Variants in DPP10 observed in about 807,000 individuals in gnomAD.
DPP10 encodes the protein dipeptidyl peptidase like 10.
Under a neutral mutation model 120.9 loss-of-function variants are expected in DPP10, and 33 were observed. That is an observed-to-expected ratio of 0.27 (90% CI 0.21 to 0.37). The LOEUF is 0.37. DPP10 is among the 10% of genes least tolerant of loss of function. The pLI, the probability that DPP10 is intolerant of heterozygous loss-of-function variation, is 1.00. For synonymous variants in DPP10, 337 were observed against 326.1 expected, an observed-to-expected ratio of 1.03 and a Z score of -0.36; for missense variants, 816 against 942.8, an observed-to-expected ratio of 0.87 and a Z score of 1.76.
intron 1 of DPP10, among the ~76,000 whole-genome samples, chr2:114,942,402 C>T (rs3060051): frequency 0.42 from 54,187 of 127,858 alleles, 12,426 homozygotes; most frequent in South Asian, 0.59. Context: ...CACACACACA[C>T]ATATATATAT....
intron 1 of DPP10, among the ~76,000 whole-genome samples, chr2:114,554,374 C>A (rs1021373361): frequency 1.3e-5 from 2 of 152,230 alleles, no homozygotes; most frequent in Admixed American, 1.3e-4. Context: ...GGCCTCATCA[C>A]TGGGGCTGTG....
chr2:115,547,182 A>G (rs916145361), intron 5 of DPP10, among the ~76,000 whole-genome samples: 14 of 152,178 alleles, frequency 9.2e-5, no homozygotes, highest in Non-Finnish European at 1.2e-4. Context: ...ATAACTTAAA[A>G]TTCCCAGCGA....
At chr2:115,317,185 T>TGCTCCTCATATCCCACCTCCCTC (rs2061837432) in intron 2 of DPP10, among the ~76,000 whole-genome samples, 1 of 152,040 alleles carries the variant, frequency 6.6e-6, no homozygotes. Flanking sequence ...CCACCTCAGT[T>TGCTCCTCATATCCCACCTCCCTC]GCTCCTCATA....
chr2:115,460,399 A>G lies in DPP10; in HGVS notation c.272-39111A>G, dbSNP rs191977346. Among the ~76,000 whole-genome samples, 22 of 152,302 alleles carry G rather than the reference A, an allele frequency of 1.4e-4. No individual in the cohort carries two copies. The East Asian group carries it at 4.2e-3, about 29-fold the overall frequency. On this transcript the variant is annotated intron_variant, in intron 3 of 25. Transcript: ENST00000410059. ...CTCAAGTAATATCTCCCAAGGTGAC[A>G]TTCCCATGGGTAAAAAAGCAGTCTT...
intron 10 of DPP10, among the ~76,000 whole-genome samples, chr2:115,749,221 G>T (rs1294319750): frequency 6.6e-6 from 1 of 151,934 alleles, no homozygotes; most frequent in African/African-American, 2.4e-5. Context: ...TACTTTCCAG[G>T]GAAATTTTAT....
chr2:115,089,155 G>A (rs887867820), intron 1 of DPP10, among the ~76,000 whole-genome samples: 2 of 151,930 alleles, frequency 1.3e-5, no homozygotes, highest in East Asian at 1.9e-4. Context: ...CCATTTCTCA[G>A]TTCATTCTCT....
At chr2:115,153,223 A>AT (rs1212170284) in intron 1 of DPP10, among the ~76,000 whole-genome samples, 6 of 152,174 alleles carry the variant, frequency 3.9e-5, no homozygotes. Flanking sequence ...AATATTCTTT[A>AT]AAAGATATTA....
rs180766958 is a variant in DPP10 at position 114,798,886 on chromosome 2, T to C, written c.60+356048T>C. On this transcript the variant is annotated intron_variant, in intron 1 of 25. Coordinates refer to ENST00000410059, the MANE Select transcript of DPP10 (RefSeq NM_020868.6). ...GCTCACGCCTGTAATCCCAGCACTT[T>C]GGGAGGCCGAGGAGGGTGGATCACC... Among the ~76,000 whole-genome samples the C allele has an allele frequency of 5.8e-3, 889 of 152,290 alleles. 11 individuals carry two copies. The highest frequency in any genetic ancestry group is 0.02 in the African/African-American group (840 of 41,570).
chr2:115,202,983 T>C (rs2055850786), intron 1 of DPP10, among the ~76,000 whole-genome samples: 1 of 152,076 alleles, frequency 6.6e-6, no homozygotes, highest in Admixed American at 6.6e-5. Context: ...CAACAAAAAA[T>C]CTTTTGGAGT....
chr2:115,048,478 T>C (rs1320417901), intron 1 of DPP10, among the ~76,000 whole-genome samples: 1 of 151,994 alleles, frequency 6.6e-6, no homozygotes, highest in African/African-American at 2.4e-5. Context: ...GTAGCCAGAG[T>C]GATGTTTCTA....
intron 5 of DPP10, among the ~76,000 whole-genome samples, chr2:115,577,390 T>C (rs1252101271): frequency 6.6e-6 from 1 of 152,204 alleles, no homozygotes. Flanking sequence ...CTAACCTCTC[T>C]GGGTTTTAGT....
chr2:114,552,057 T>G (rs952539956), intron 1 of DPP10, among the ~76,000 whole-genome samples: 5 of 152,134 alleles, frequency 3.3e-5, no homozygotes, highest in Non-Finnish European at 7.4e-5. Context: ...AACCAGAAGT[T>G]GTTTCGGCTA....
At chr2:114,447,541 T>C (rs1678013723) in intron 1 of DPP10, among the ~76,000 whole-genome samples, 1 of 152,222 alleles carries the variant, frequency 6.6e-6, no homozygotes, top group South Asian at 2.1e-4. Context: ...TATGAAATTC[T>C]AAGTGGAAAG....
chr2:114,897,785 A>C lies in DPP10; in HGVS notation c.61-411454A>C, dbSNP rs1437216514. On this transcript the variant is annotated intron_variant, in intron 1 of 25. Coordinates refer to ENST00000410059, the MANE Select transcript of DPP10 (RefSeq NM_020868.6). Reference sequence around the variant, plus strand: ...CTGGCCATTAGAGAAATGCAAATCAAAACCACAATGAGATATCATCTCACA... The same window carrying C: ...CTGGCCATTAGAGAAATGCAAATCACAACCACAATGAGATATCATCTCACA... Among the ~76,000 whole-genome samples the C allele has an allele frequency of 3.9e-5, 6 of 152,330 alleles. No individual in the cohort carries two copies. The East Asian group carries it at 9.6e-4, about 24-fold the overall frequency.
chr2:114,588,850 C>T (rs1037443569), intron 1 of DPP10, among the ~76,000 whole-genome samples: 8 of 152,006 alleles, frequency 5.3e-5, no homozygotes, highest in South Asian at 2.1e-4. Context: ...GATTTAGTTA[C>T]GGATTTTTGT....
intron 5 of DPP10, among the ~76,000 whole-genome samples, chr2:115,542,949 A>G (rs913787250): frequency 1.3e-5 from 2 of 152,008 alleles, no homozygotes; most frequent in Non-Finnish European, 2.9e-5. Flanking sequence ...ATTTTAAAAA[A>G]TGGAATATAA....
rs541796244 is a variant in DPP10, at chr2:114,500,351, T to C, written c.60+57513T>C. ...TACATGTAATACACATTTACCCACA[T>C]GATGAAATAAGATGACAAGAGCTTT... On this transcript the variant is annotated intron_variant, in intron 1 of 25. Coordinates refer to ENST00000410059, the MANE Select transcript of DPP10 (RefSeq NM_020868.6). 3.3e-5 allele frequency among the ~76,000 whole-genome samples: 5 copies of C among 152,314 alleles called. No homozygotes were observed. In the South Asian group the frequency reaches 6.2e-4, roughly 19 times the overall value.
intron 4 of DPP10, among the ~76,000 whole-genome samples, chr2:115,503,964 C>G (rs2076815724): frequency 6.6e-6 from 1 of 151,818 alleles, no homozygotes; most frequent in Non-Finnish European, 1.5e-5. Flanking sequence ...CAAGAGAAAC[C>G]CTGTGATAAT....
Position 114,479,650 on chromosome 2 carries a change from C to G in DPP10, c.60+36812C>G, listed in dbSNP as rs569343082. Among the ~76,000 whole-genome samples, 4 of 152,262 alleles carry G rather than the reference C, an allele frequency of 2.6e-5. No homozygotes were observed. In the South Asian group the frequency reaches 8.3e-4, roughly 32 times the overall value. On this transcript the variant is annotated intron_variant, in intron 1 of 25. Coordinates refer to ENST00000410059, the MANE Select transcript of DPP10 (RefSeq NM_020868.6). ...TATTTAATAAATGGTGCTGGGAAAACTGGCTAGCCATATATAGAAAGCTGA... is the reference window on the plus strand; with the variant it reads ...TATTTAATAAATGGTGCTGGGAAAAGTGGCTAGCCATATATAGAAAGCTGA...
Sources: gnomAD v4.1 joint callset for allele counts (sites outside exome capture counted in the v4.1 genomes callset) on GRCh38, gnomAD v4.1.1 for gene constraint, MANE v1.5 for transcripts, NCBI Gene and HGNC (gene_info 2026-07-23, HGNC 2026-07-21) for gene names.